Variants in RSPO1 observed in about 807,000 individuals in gnomAD.
RSPO1 encodes R-spondin 1.
A neutral mutation model predicts 26.0 loss-of-function variants in RSPO1; 18 were observed. That is an observed-to-expected ratio of 0.69 (90% CI 0.48 to 1.03). The LOEUF (loss-of-function observed/expected upper bound fraction) is 1.03. Among genes scored for constraint, RSPO1 ranks in the 50% least tolerant of loss-of-function variants. RSPO1 has a pLI of 0.00. For synonymous variants in RSPO1, 133 were observed against 137.4 expected (o/e 0.97, Z 0.22); for missense variants, 309 against 352.3 (o/e 0.88, Z 0.98).
At chr1:37,633,305 A>C (rs2148189627) in intron 1 of RSPO1, among the ~76,000 whole-genome samples, 1 of 152,274 alleles carries the variant, frequency 6.6e-6, no homozygotes, top group East Asian at 1.9e-4. Context: ...GGCACAACCC[A>C]GCTTGGGGAG....
intron 3 of RSPO1, among the ~76,000 whole-genome samples, chr1:37,625,960 G>A (rs1021186811): frequency 2.0e-5 from 3 of 152,170 alleles, no homozygotes; most frequent in African/African-American, 7.2e-5. Context: ...TTACAGGCGT[G>A]AGCCACCATG....
At chr1:37,631,023 CAG>C (rs5773596) in intron 2 of RSPO1, among the ~76,000 whole-genome samples, 3 of 151,968 alleles carry the variant, frequency 2.0e-5, no homozygotes, top group African/African-American at 7.2e-5. Flanking sequence ...AGCTGAGAGT[CAG>C]AGAGTTCAGG....
intron 3 of RSPO1, among the ~76,000 whole-genome samples, chr1:37,626,715 CCTGGCTT>C (rs1228299375): frequency 6.6e-6 from 1 of 152,068 alleles, no homozygotes; most frequent in Non-Finnish European, 1.5e-5. Context: ...AAAGGGGGCT[CCTGGCTT>C]CTGGAGAAGT....
chr1:37,616,919 G>A (rs1199108887), intron 3 of RSPO1, among the ~76,000 whole-genome samples: 4 of 152,096 alleles, frequency 2.6e-5, no homozygotes, highest in African/African-American at 7.2e-5. Flanking sequence ...GACACGACAC[G>A]AGTTCACTCT....
rs772452912 is a variant in RSPO1 at position 37,613,875 on chromosome 1, C to T, written c.454G>A (p.Glu152Lys). ...GAGCAGGGCCCCCACGGAGACCACT[C>T]GCTCATTTCACATTGCGCTGGCAGG... ...CSSPAQCEMS[E>K]WSPWGPCSKK... Residue 152 changes from glutamate (E) to lysine (K), a missense_variant, in exon 6 of 7, where the codon GAG becomes AAG. Transcript: ENST00000356545. This position sits in a 1 kb window ranked among gnomAD's most constrained non-coding sequence, Gnocchi z 4.5. 90 of 1,613,982 alleles carry T rather than the reference C, an allele frequency of 5.6e-5. No individual in the cohort carries two copies. Among genetic ancestry groups the T allele is most frequent in the East Asian group, 8.9e-5 (4 of 44,894 alleles).
intron 3 of RSPO1, among the ~76,000 whole-genome samples, chr1:37,619,444 G>C (rs1199355104): frequency 6.6e-6 from 1 of 152,242 alleles, no homozygotes; most frequent in African/African-American, 2.4e-5. Context: ...GAAAAGGGGA[G>C]ATAAGGATGT....
At chr1:37,627,467 T>A (rs766260127) in intron 3 of RSPO1, among the ~76,000 whole-genome samples, 2 of 152,110 alleles carry the variant, frequency 1.3e-5, no homozygotes, top group Non-Finnish European at 2.9e-5. Context: ...CTGGCCAACA[T>A]GACAAAACTT....
Position 37,629,808 on chromosome 1 carries a change from T to A in RSPO1, c.-147A>T. ...AGCCCAAATCCACCATAATCTCAGCTGGGGACAGAGAGGGTGTGGGGAGCC... is the reference window on the plus strand; with the variant it reads ...AGCCCAAATCCACCATAATCTCAGCAGGGGACAGAGAGGGTGTGGGGAGCC... On this transcript the variant is annotated 5_prime_UTR_variant, in exon 3 of 7. Coordinates refer to ENST00000356545, the MANE Select transcript of RSPO1 (RefSeq NM_001242908.2). 1 of 1,550,942 alleles carries A rather than the reference T, an allele frequency of 6.4e-7. No homozygotes were observed. The highest frequency in any genetic ancestry group is 8.7e-7 in the Non-Finnish European group (1 of 1,146,632).
At chr1:37,632,638 A>C (rs969835768) in intron 1 of RSPO1, among the ~76,000 whole-genome samples, 1 of 152,240 alleles carries the variant, frequency 6.6e-6, no homozygotes. Context: ...ATTTTCTAAA[A>C]GAGGAGTGGA....
Position 37,614,309 on chromosome 1 carries a change from G to T in RSPO1, c.311C>A (p.Ala104Asp), listed in dbSNP as rs770290841. The T allele has an allele frequency of 6.2e-7, 1 of 1,613,790 alleles. No homozygotes were observed. Among genetic ancestry groups the T allele is most frequent in the Non-Finnish European group, 8.5e-7 (1 of 1,180,040 alleles). ...CIKCKIEHCE[A>D]CFSHNFCTKC... ...GGTGCAGAAGTTATGGCTGAAGCAG[G>T]CCTCACAGTGCTCGATCTTGCATTC... Residue 104 changes from alanine (A) to aspartate (D), a missense_variant, in exon 5 of 7, where the codon GCC becomes GAC. Coordinates refer to ENST00000356545, the MANE Select transcript of RSPO1 (RefSeq NM_001242908.2).
Position 37,612,783 on chromosome 1 carries a change from C to T in RSPO1, c.764G>A (p.Gly255Glu), listed in dbSNP as rs1464992200. 1.2e-6 allele frequency: 2 copies of T among 1,612,260 alleles called. No homozygotes were observed. The highest frequency in any genetic ancestry group is 2.2e-5 in the South Asian group (2 of 91,078). ...GGCAGGCCCTGCAGATGTGAGTGGC[C>T]CCACTGTCCCTTGCTGCTGCTGCTG... ...QQQQQQQGTV[G>E]PLTSAGPA Residue 255 changes from glycine (G) to glutamate (E), a missense_variant, in exon 7 of 7, where the codon GGG becomes GAG. Transcript: ENST00000356545.
At chr1:37,621,417 A>G (rs145188766) in intron 3 of RSPO1, among the ~76,000 whole-genome samples, 17 of 152,330 alleles carry the variant, frequency 1.1e-4, no homozygotes, top group Admixed American at 2.6e-4. Context: ...CTAGAACTCC[A>G]GTCCAGGAGA....
Position 37,612,277 on chromosome 1 carries a change from G to A in RSPO1, c.*478C>T. ...GTCACACAGCTGGGAGTGCTGAACA[G>A]GATGGGAAGAAGGTTTCTTCCCAGG... On this transcript the variant is annotated 3_prime_UTR_variant, in exon 7 of 7. Coordinates refer to ENST00000356545, the MANE Select transcript of RSPO1 (RefSeq NM_001242908.2). The A allele has an allele frequency of 1.0e-5, 2 of 192,502 alleles. No individual in the cohort carries two copies. Among genetic ancestry groups the A allele is most frequent in the Non-Finnish European group, 2.2e-5 (2 of 91,328 alleles). 11.9% of individuals were successfully genotyped at this position (192,502 alleles called of 1,614,324 possible). A position where few individuals can be genotyped will look rare whatever the true frequency, so the allele number is the denominator to read the frequency against.
intron 1 of RSPO1, among the ~76,000 whole-genome samples, chr1:37,633,265 G>T (rs547422989): frequency 6.6e-6 from 1 of 152,368 alleles, no homozygotes; most frequent in East Asian, 1.9e-4. Context: ...GGGGAGGGCG[G>T]GGCAACCCGC....
rs889405343 is a variant in RSPO1 at position 37,616,432 on chromosome 1, C to G, written c.286+52G>C. 1.2e-5 allele frequency: 18 copies of G among 1,559,266 alleles called. No homozygotes were observed. The Admixed American group carries it at 2.5e-4, about 22-fold the overall frequency. On this transcript the variant is annotated intron_variant, in intron 4 of 6. Transcript: ENST00000356545. ...ACCAATGGTTCAAAGCACTCTCCCC[C>G]AGTCCAGAGCTTCTAATGCCCCCTG... is the stretch of plus-strand genomic sequence containing the variant.
intron 3 of RSPO1, among the ~76,000 whole-genome samples, chr1:37,621,473 T>C (rs1034497836): frequency 6.6e-6 from 1 of 151,582 alleles, no homozygotes; most frequent in Non-Finnish European, 1.5e-5. Flanking sequence ...ACACGTGAGA[T>C]GGTCAGGCGG....
intron 3 of RSPO1, among the ~76,000 whole-genome samples, chr1:37,622,655 A>G (rs926526097): frequency 6.6e-6 from 1 of 152,188 alleles, no homozygotes; most frequent in Non-Finnish European, 1.5e-5. Flanking sequence ...CTGGGAGGAG[A>G]CTGAGAGACA....
chr1:37,631,360 C>T (rs945618573), intron 2 of RSPO1, among the ~76,000 whole-genome samples: 2 of 152,166 alleles, frequency 1.3e-5, no homozygotes, highest in East Asian at 1.9e-4. Context: ...CCCAAATGCC[C>T]GTCAGCTGCC....
In RSPO1 at chr1:37,613,302, T is replaced by G. The variant is rs1644054688; in HGVS notation, c.626-381A>C. On this transcript the variant is annotated intron_variant, in intron 6 of 6. Coordinates refer to ENST00000356545, the MANE Select transcript of RSPO1 (RefSeq NM_001242908.2). The surrounding 1 kb of genome is among the most constrained non-coding windows in gnomAD (Gnocchi z 4.5). ...TCCCCTATCCGCCACCAGCCACCTC[T>G]GGGGCCAGGCAAGAGCAGCAGCCAA... is the stretch of plus-strand genomic sequence containing the variant. Among the ~76,000 whole-genome samples, 1 of 152,222 alleles carries G rather than the reference T, an allele frequency of 6.6e-6. No homozygotes were observed. The highest frequency in any genetic ancestry group is 1.5e-5 in the Non-Finnish European group (1 of 68,034).
Sources: gnomAD v4.1 joint callset for allele counts (sites outside exome capture counted in the v4.1 genomes callset) on GRCh38, gnomAD v4.1.1 for gene constraint, Gnocchi (gnomAD v3.1) non-coding constraint, MANE v1.5 for transcripts, NCBI Gene and HGNC (gene_info 2026-07-23, HGNC 2026-07-21) for gene names.